The following UNC79 variants were observed in gnomAD, a reference collection of about 807,000 sequenced individuals.
UNC79 encodes unc-79 subunit of NALCN channel complex.
UNC79 carries 37 observed loss-of-function variants against 283.1 expected under a neutral mutation model. The observed-to-expected ratio is 0.13, with a 90% confidence interval of 0.10 to 0.17. The LOEUF is 0.17. Ranked by LOEUF, UNC79 falls within the 10% of genes least tolerant of loss-of-function variation. UNC79 has a pLI of 1.00. For synonymous variants in UNC79, 1,107 were observed against 1,200.2 expected (o/e 0.92, Z 1.61); for missense variants, 2,272 against 3,211.1 (o/e 0.71, Z 7.07).
chr14:93,615,280 G>A (rs987744770), intron 27 of UNC79, among the ~76,000 whole-genome samples: 2 of 152,190 alleles, frequency 1.3e-5, no homozygotes, highest in Admixed American at 1.3e-4. Flanking sequence ...CAACGTGAGA[G>A]CAATGTGCGT....
chr14:93,466,797 A>G (rs1002237848), intron 1 of UNC79: 2 of 959,908 alleles, frequency 2.1e-6, no homozygotes, highest in South Asian at 9.6e-5. Context: ...GTTGATCATC[A>G]TGGCTCCTTG....
At chr14:93,471,262 A>G (rs955086824) in intron 2 of UNC79, among the ~76,000 whole-genome samples, 12 of 152,216 alleles carry the variant, frequency 7.9e-5, no homozygotes, top group African/African-American at 2.7e-4. Flanking sequence ...TTCAACTCAA[A>G]TGTCAACATT....
chr14:93,697,293 G>A (rs935498874), intron 47 of UNC79, among the ~76,000 whole-genome samples: 1 of 151,912 alleles, frequency 6.6e-6, no homozygotes, highest in African/African-American at 2.4e-5. Context: ...CTGCCACCAT[G>A]CCCAGCTAAT....
chr14:93,506,178 G>C (rs1353197196), intron 7 of UNC79, among the ~76,000 whole-genome samples: 1 of 150,440 alleles, frequency 6.6e-6, no homozygotes, highest in East Asian at 1.9e-4. Context: ...GTCTGAAAAT[G>C]TTTGTTTTGC....
exon 29 of UNC79, chr14:93,618,211 A>G: frequency 6.2e-7 from 1 of 1,613,568 alleles, no homozygotes; most frequent in African/African-American, 1.3e-5. Context: ...CGAGACTGTG[A>G]TATCAGCAAG....
chr14:93,496,347 A>G (rs1024379192), intron 5 of UNC79, 64 bp from the exon 6 acceptor site: 2 of 1,088,530 alleles, frequency 1.8e-6, no homozygotes, highest in African/African-American at 3.3e-5. Context: ...TTATATATGT[A>G]TATCAAAGGA....
At chr14:93,359,736 G>T (rs1369956074) in intron 1 of UNC79, among the ~76,000 whole-genome samples, 1 of 152,170 alleles carries the variant, frequency 6.6e-6, no homozygotes. Context: ...ATTATAAAAA[G>T]AGAGAATCAT....
At chr14:93,670,120 T>A (rs949520101) in intron 40 of UNC79, among the ~76,000 whole-genome samples, 1 of 152,136 alleles carries the variant, frequency 6.6e-6, no homozygotes, top group Non-Finnish European at 1.5e-5. Flanking sequence ...CTGGAAAAAC[T>A]CAAACTCAAG....
chr14:93,578,020 A>G (rs1363459254), exon 18 of UNC79: 56 of 1,614,242 alleles, frequency 3.5e-5, no homozygotes, highest in Non-Finnish European at 4.6e-5. Context: ...GATGAAATGA[A>G]TCTAAATTGT....
chr14:93,442,901 C>T (rs1232070732), intron 1 of UNC79, among the ~76,000 whole-genome samples: 1 of 152,078 alleles, frequency 6.6e-6, no homozygotes. Flanking sequence ...CCAGCCTGGC[C>T]AACATGGCAA....
chr14:93,348,163 TC>T, intron 1 of UNC79: 1 of 1,254,578 alleles, frequency 8.0e-7, no homozygotes, highest in Non-Finnish European at 1.2e-6. Flanking sequence ...CAAAAAACTT[TC>T]AGAAAAAGCT....
chr14:93,631,343 T>C (rs1282121510), intron 31 of UNC79, among the ~76,000 whole-genome samples: 1 of 152,226 alleles, frequency 6.6e-6, no homozygotes, highest in Non-Finnish European at 1.5e-5. Context: ...AATAAATGTA[T>C]GATATATCAT....
At chr14:93,464,738 A>G (rs1053952626) in intron 1 of UNC79, among the ~76,000 whole-genome samples, 2 of 152,094 alleles carry the variant, frequency 1.3e-5, no homozygotes, top group Non-Finnish European at 1.5e-5. Context: ...ATTTATATCT[A>G]TTGGGCCCAA....
At chr14:93,686,251 T>C (rs1036825684) in intron 42 of UNC79, among the ~76,000 whole-genome samples, 1 of 152,186 alleles carries the variant, frequency 6.6e-6, no homozygotes, top group African/African-American at 2.4e-5. Flanking sequence ...TGGCATGACA[T>C]AGGCTGAATC....
intron 39 of UNC79, among the ~76,000 whole-genome samples, chr14:93,660,563 A>ATATATATATATGTGTGTGTGTG (rs1203621990): frequency 6.2e-5 from 4 of 64,786 alleles, no homozygotes; most frequent in Admixed American, 1.7e-4. Context: ...ATATATATAT[A>ATATATATATATGTGTGTGTGTG]TGTGTGTGTG....
At position 93,550,533 on chromosome 14, in the gene UNC79, A is replaced by AGAAAAT. The variant is rs3060650; in HGVS notation, c.1755+7837_1755+7838insGAAAAT. Among the ~76,000 whole-genome samples, 2 of 122,546 alleles carry AGAAAAT rather than the reference A, an allele frequency of 1.6e-5. 1 individual carries two copies. The highest frequency in any genetic ancestry group is 3.3e-5 in the Non-Finnish European group (2 of 61,128). 80.4% of individuals were successfully genotyped at this position (122,546 alleles called of 152,430 possible). A position where few individuals can be genotyped will look rare whatever the true frequency, so the allele number is the denominator to read the frequency against. ...CCGTATCAAAAAAAAAAAAAAAAAA[A>AGAAAAT]AAAAAAAAGAGGAAGGAGTCTTCCC... On this transcript the variant is annotated intron_variant, in intron 14 of 48. Transcript: ENST00000555664.
At chr14:93,620,384 A>G (rs1383335289) in intron 29 of UNC79, among the ~76,000 whole-genome samples, 2 of 152,188 alleles carry the variant, frequency 1.3e-5, no homozygotes, top group Non-Finnish European at 2.9e-5. Context: ...TTCACACCGT[A>G]TAAGGTGCAT....
intron 41 of UNC79, among the ~76,000 whole-genome samples, chr14:93,681,629 G>T (rs1388939116): frequency 6.6e-6 from 1 of 152,158 alleles, no homozygotes. Flanking sequence ...AAGGCGGAGC[G>T]ACTGGTGCTG....
chr14:93,362,367 G>T (rs1240605061), intron 1 of UNC79, among the ~76,000 whole-genome samples: 1 of 150,922 alleles, frequency 6.6e-6, no homozygotes, highest in Non-Finnish European at 1.5e-5. Context: ...GTTTTTTTTT[G>T]AAACAGAGTC....
Sources: gnomAD v4.1 joint callset for allele counts (sites outside exome capture counted in the v4.1 genomes callset) on GRCh38, gnomAD v4.1.1 for gene constraint, MANE v1.5 for transcripts, NCBI Gene and HGNC (gene_info 2026-07-23, HGNC 2026-07-21) for gene names.